SEL1L2: variants seen among roughly 807,000 people sequenced by gnomAD.
SEL1L2 encodes SEL1L2 adaptor subunit of SYVN1 ubiquitin ligase.
SEL1L2 carries 89 observed loss-of-function variants against 98.8 expected under a neutral mutation model. That is an observed-to-expected ratio of 0.90 (90% CI 0.76 to 1.07). The LOEUF is 1.07. SEL1L2 is among the 50% of genes least tolerant of loss of function. SEL1L2 has a pLI of 0.00. For missense variants in SEL1L2, 788 were observed against 812.0 expected, an observed-to-expected ratio of 0.97 and a Z score of 0.36; for synonymous variants, 262 against 278.5, an observed-to-expected ratio of 0.94 and a Z score of 0.59.
Position 13,870,101 on chromosome 20 carries a change from A to G in SEL1L2, c.1167+40T>C, listed in dbSNP as rs139077200. ...AATGACCATGAATTTTACCCTGTAA[A>G]TTGCTACAAATAAAAAGATAATAAA... On this transcript the variant is annotated intron_variant, in intron 13 of 19. Coordinates refer to ENST00000284951, the MANE Select transcript of SEL1L2 (RefSeq NM_025229.2). The G allele has an allele frequency of 1.1e-4, 154 of 1,414,474 alleles. No homozygotes were observed. In the African/African-American group the frequency reaches 1.6e-3, roughly 15 times the overall value. 87.6% of individuals were successfully genotyped at this position (1,414,474 alleles called of 1,614,324 possible). A position where few individuals can be genotyped will look rare whatever the true frequency, so the allele number is the denominator to read the frequency against.
intron 17 of SEL1L2, among the ~76,000 whole-genome samples, chr20:13,863,542 A>G (rs183932170): frequency 6.6e-6 from 1 of 152,276 alleles, no homozygotes; most frequent in East Asian, 1.9e-4. Context: ...GGAAAATTTC[A>G]TTATTAGATT....
chr20:13,973,024 G>A (rs1340293136), intron 1 of SEL1L2, among the ~76,000 whole-genome samples: 1 of 152,006 alleles, frequency 6.6e-6, no homozygotes, highest in Non-Finnish European at 1.5e-5. Flanking sequence ...TGTAACGTTT[G>A]TATGTATCCT....
chr20:13,934,328 CATAT>C (rs1276603512), intron 2 of SEL1L2, among the ~76,000 whole-genome samples: 1 of 32,054 alleles, frequency 3.1e-5, no homozygotes, highest in African/African-American at 9.3e-5. Flanking sequence ...AGTAGTATTC[CATAT>C]ATATATATTC....
chr20:13,849,655 C>T lies in SEL1L2; in HGVS notation c.1948-51G>A, dbSNP rs761686606. ...AAACAATCCAAGCTTCCCACCTCCA[C>T]TCAGAGCCACCATCTCTTCCCAAAC... On this transcript the variant is annotated intron_variant, in intron 19 of 19. Coordinates refer to ENST00000284951, the MANE Select transcript of SEL1L2 (RefSeq NM_025229.2). The T allele has an allele frequency of 4.4e-6, 7 of 1,596,688 alleles. No homozygotes were observed. In the East Asian group the frequency reaches 1.6e-4, roughly 36 times the overall value.
At chr20:13,957,752 C>T (rs892417455) in intron 1 of SEL1L2, among the ~76,000 whole-genome samples, 1 of 152,024 alleles carries the variant, frequency 6.6e-6, no homozygotes, top group Non-Finnish European at 1.5e-5. Flanking sequence ...GTGGCATGCA[C>T]CTGAAATCCA....
At chr20:13,947,877 GC>G (rs1379269304) in intron 2 of SEL1L2, among the ~76,000 whole-genome samples, 1 of 152,244 alleles carries the variant, frequency 6.6e-6, no homozygotes. Context: ...TGCCCACTCT[GC>G]CACAGCAGCT....
At chr20:13,862,401 G>A (rs369273350) in intron 17 of SEL1L2, among the ~76,000 whole-genome samples, 15 of 152,284 alleles carry the variant, frequency 9.9e-5, no homozygotes, top group African/African-American at 3.6e-4. Context: ...CATCTCAGCT[G>A]TGGCCAGCCC....
intron 5 of SEL1L2, among the ~76,000 whole-genome samples, chr20:13,892,728 G>A (rs1427158920): frequency 6.6e-6 from 1 of 152,172 alleles, no homozygotes; most frequent in Non-Finnish European, 1.5e-5. Flanking sequence ...CAAATAAAAA[G>A]ATATAGAGTG....
chr20:13,982,572 A>C (rs1239573280), intron 1 of SEL1L2, among the ~76,000 whole-genome samples: 2 of 151,808 alleles, frequency 1.3e-5, no homozygotes, highest in African/African-American at 4.8e-5. Context: ...GTAAACAAAA[A>C]ATTAAAAAAA....
intron 2 of SEL1L2, among the ~76,000 whole-genome samples, chr20:13,933,210 A>C (rs2049236184): frequency 6.6e-6 from 1 of 152,172 alleles, no homozygotes; most frequent in African/African-American, 2.4e-5. Context: ...CTCTCAAAAA[A>C]TAAAATAAAA....
chr20:13,962,235 C>A (rs1038680818), intron 1 of SEL1L2, among the ~76,000 whole-genome samples: 7 of 152,178 alleles, frequency 4.6e-5, no homozygotes, highest in African/African-American at 1.7e-4. Context: ...GTGACTTTGC[C>A]CAGTCCTCCC....
In SEL1L2 at chr20:13,984,481, G is replaced by A. The variant is rs143764359; in HGVS notation, c.58+5996C>T. 4.1e-3 allele frequency among the ~76,000 whole-genome samples: 619 copies of A among 152,260 alleles called. 1 individual carries two copies. Among genetic ancestry groups the A allele is most frequent in the East Asian group, 9.8e-3 (51 of 5,188 alleles). The stretch of plus-strand genomic sequence containing the variant: ...TAGTACTCTCTCACCTTGGACTTCC[G>A]TGATAATCTCTTTAGCCTTGATATC... On this transcript the variant is annotated intron_variant, in intron 1 of 19. Transcript: ENST00000284951.
At chr20:13,952,778 C>T (rs2050332940) in intron 2 of SEL1L2, among the ~76,000 whole-genome samples, 1 of 152,180 alleles carries the variant, frequency 6.6e-6, no homozygotes, top group African/African-American at 2.4e-5. Flanking sequence ...CGCCTGTAAT[C>T]CCAGCACTTT....
Position 13,877,577 on chromosome 20 carries a change from G to A in SEL1L2, c.969C>T (p.His323=). The change falls in exon 11 of 20, where the codon CAC becomes CAT. Residue 323 remains histidine, a synonymous_variant. Coordinates refer to ENST00000284951, the MANE Select transcript of SEL1L2 (RefSeq NM_025229.2). ...GLDQDYYKAL[H]YFLKAAKAGS... ...CGGCCTTTGCTGCCTTTAAGAAGTA[G>A]TGTAATGCTTTCTGGAGAGAAAAGG... 6.2e-7 allele frequency: 1 copy of A among 1,612,508 alleles called. No homozygotes were observed.
At position 13,850,272 on chromosome 20, in the gene SEL1L2, A is replaced by T; in HGVS notation, c.1866T>A (p.Ser622Arg). 6.2e-7 allele frequency: 1 copy of T among 1,614,002 alleles called. No individual in the cohort carries two copies. Among genetic ancestry groups the T allele is most frequent in the Non-Finnish European group, 8.5e-7 (1 of 1,179,938 alleles). ...AGAGCACAGGTATGTGGGCATCTGGACTCGTTTGAGCAGCCATGTCGTACA... is the reference window on the plus strand; with the variant it reads ...AGAGCACAGGTATGTGGGCATCTGGTCTCGTTTGAGCAGCCATGTCGTACA... ...RRLYDMAAQT[S>R]PDAHIPVLFA... The change falls in exon 19 of 20, where the codon AGT becomes AGA. Residue 622 changes from serine (S) to arginine (R), a missense_variant. By Grantham distance (110) the Ser-to-Arg change is moderately radical. Transcript: ENST00000284951.
intron 17 of SEL1L2, among the ~76,000 whole-genome samples, chr20:13,864,962 G>A (rs1035534088): frequency 1.3e-5 from 2 of 152,144 alleles, no homozygotes; most frequent in Non-Finnish European, 2.9e-5. Context: ...GCTGAATCAG[G>A]GACCTTGATA....
At chr20:13,860,292 G>T (rs546406011) in intron 17 of SEL1L2, among the ~76,000 whole-genome samples, 1 of 152,244 alleles carries the variant, frequency 6.6e-6, no homozygotes, top group Non-Finnish European at 1.5e-5. Context: ...CTTTTCAAAA[G>T]TGTGTTCTAT....
intron 2 of SEL1L2, among the ~76,000 whole-genome samples, chr20:13,953,423 CG>C (rs1177662319): frequency 6.6e-6 from 1 of 152,154 alleles, no homozygotes; most frequent in East Asian, 1.9e-4. Flanking sequence ...CCCAGAACAG[CG>C]CCCCCTGTCA....
At chr20:13,865,303 G>T (rs371085630) in intron 16 of SEL1L2, 46 bp downstream of exon 16, 1 of 1,580,786 alleles carries the variant, frequency 6.3e-7, no homozygotes, top group Non-Finnish European at 8.7e-7. Context: ...AGTCATACAT[G>T]CATATGTATG....
Sources: gnomAD v4.1 joint callset for allele counts (sites outside exome capture counted in the v4.1 genomes callset) on GRCh38, gnomAD v4.1.1 for gene constraint, MANE v1.5 for transcripts, NCBI Gene and HGNC (gene_info 2026-07-23, HGNC 2026-07-21) for gene names.